Variants in RALGPS1 observed in about 807,000 individuals in gnomAD.
RALGPS1 encodes Ral GEF with PH domain and SH3 binding motif 1.
Under a neutral mutation model 78.8 loss-of-function variants are expected in RALGPS1, and 19 were observed. That is an observed-to-expected ratio of 0.24 (90% CI 0.17 to 0.35). RALGPS1 has a LOEUF of 0.35. Among genes scored for constraint, RALGPS1 ranks in the 10% least tolerant of loss-of-function variants. The pLI, the probability that RALGPS1 is intolerant of heterozygous loss-of-function variation, is 1.00. For missense variants in RALGPS1, 454 were observed against 688.3 expected (o/e 0.66, Z 3.81); for synonymous variants, 228 against 256.3 (o/e 0.89, Z 1.06).
At chr9:127,010,763 G>A (rs192023053) in intron 4 of RALGPS1, among the ~76,000 whole-genome samples, 22 of 152,348 alleles carry the variant, frequency 1.4e-4, no homozygotes, top group Non-Finnish European at 2.4e-4. Flanking sequence ...AATCATCCAC[G>A]TTAGTGCAGC....
chr9:126,946,533 C>CAAAAA (rs61279292), intron 1 of RALGPS1, among the ~76,000 whole-genome samples: 1 of 76,218 alleles, frequency 1.3e-5, no homozygotes, highest in Non-Finnish European at 2.4e-5. Context: ...GAATCTGTCT[C>CAAAAA]AAAAAAAAAA....
intron 8 of RALGPS1, among the ~76,000 whole-genome samples, chr9:127,080,880 TATA>T (rs2051105849): frequency 6.6e-6 from 1 of 152,248 alleles, no homozygotes; most frequent in Admixed American, 6.5e-5. Context: ...AACAGGTAAG[TATA>T]ATGCAGATAT....
intron 8 of RALGPS1, among the ~76,000 whole-genome samples, chr9:127,141,601 A>G (rs1471944004): frequency 7.0e-6 from 1 of 143,832 alleles, no homozygotes; most frequent in Non-Finnish European, 1.5e-5. Flanking sequence ...AGGGTTGCCA[A>G]TATTTTTTTA....
In RALGPS1 at chr9:127,091,151, A is replaced by G. The variant is rs940817442; in HGVS notation, c.610+21795A>G. ...ATCCTAGACAAAGCACTTTAGGTAC[A>G]TTCTCTCTACCCTTCTCCCTACTCT... On this transcript the variant is annotated intron_variant, in intron 8 of 18. Transcript: ENST00000259351. The surrounding 1 kb of genome is among the most constrained non-coding windows in gnomAD (Gnocchi z 4.3). Among the ~76,000 whole-genome samples the G allele has an allele frequency of 3.9e-5, 6 of 152,326 alleles. No individual in the cohort carries two copies. The highest frequency in any genetic ancestry group is 2.1e-4 in the South Asian group (1 of 4,824).
intron 8 of RALGPS1, among the ~76,000 whole-genome samples, chr9:127,078,247 C>T (rs952268072): frequency 1.3e-5 from 2 of 152,318 alleles, no homozygotes; most frequent in Middle Eastern, 3.4e-3. Context: ...TCAAATCTCT[C>T]CCTTCCAGAA....
At chr9:127,134,071 T>C (rs192902043) in intron 8 of RALGPS1, among the ~76,000 whole-genome samples, 1 of 152,096 alleles carries the variant, frequency 6.6e-6, no homozygotes, top group East Asian at 1.9e-4. Context: ...AAAGAAAATA[T>C]TCACGGCCGC....
chr9:126,985,855 C>T (rs2041746865), intron 4 of RALGPS1, among the ~76,000 whole-genome samples: 1 of 152,150 alleles, frequency 6.6e-6, no homozygotes, highest in South Asian at 2.1e-4. Flanking sequence ...GAACACAGTA[C>T]ATAATAAATA....
intron 8 of RALGPS1, among the ~76,000 whole-genome samples, chr9:127,078,537 GAAATA>G (rs1564535670): frequency 6.6e-6 from 1 of 152,146 alleles, no homozygotes; most frequent in Non-Finnish European, 1.5e-5. Flanking sequence ...CGTCTCCATG[GAAATA>G]AACAGTAGAA....
chr9:127,034,046 A>G (rs1306507491), intron 4 of RALGPS1, among the ~76,000 whole-genome samples: 1 of 152,212 alleles, frequency 6.6e-6, no homozygotes, highest in African/African-American at 2.4e-5. Flanking sequence ...AGATTTTTTA[A>G]TGGAGCCCTG....
At position 127,212,296 on chromosome 9, in the gene RALGPS1, C is replaced by G. The variant is rs2062309928; in HGVS notation, c.1353+60C>G. 3.8e-6 allele frequency: 5 copies of G among 1,331,852 alleles called. No homozygotes were observed. Among genetic ancestry groups the G allele is most frequent in the Admixed American group, 2.1e-5 (1 of 48,642 alleles). 82.5% of individuals were successfully genotyped at this position (1,331,852 alleles called of 1,614,324 possible). On this transcript the variant is annotated intron_variant, in intron 15 of 18. Transcript: ENST00000259351. The surrounding 1 kb of genome is among the most constrained non-coding windows in gnomAD (Gnocchi z 6.0). The stretch of plus-strand genomic sequence containing the variant: ...GGCTTCCACATCTGTAAATAGTGCC[C>G]ACTCCTAGAGGTCTCAGCAAAAGTC...
chr9:127,204,966 G>T (rs1441401659), intron 14 of RALGPS1, among the ~76,000 whole-genome samples: 1 of 152,206 alleles, frequency 6.6e-6, no homozygotes, highest in Non-Finnish European at 1.5e-5. Flanking sequence ...CTCTGGAGGC[G>T]ATCCCGCAGG....
At position 127,133,495 on chromosome 9, in the gene RALGPS1, C is replaced by G. The variant is rs201278920; in HGVS notation, c.611-32574C>G. Among the ~76,000 whole-genome samples the G allele has an allele frequency of 1.1e-3, 172 of 152,334 alleles. 1 individual carries two copies. Among genetic ancestry groups the G allele is most frequent in the East Asian group, 5.8e-3 (30 of 5,164 alleles). On this transcript the variant is annotated intron_variant, in intron 8 of 18. Coordinates refer to ENST00000259351, the MANE Select transcript of RALGPS1 (RefSeq NM_014636.3). ...CCGCCTTTGCCTGCAAATATCACCC[C>G]CTTTCTGCTACCTGCCAGCCAGGGC...
At chr9:127,132,529 C>T (rs1262762228) in intron 8 of RALGPS1, among the ~76,000 whole-genome samples, 2 of 152,226 alleles carry the variant, frequency 1.3e-5, no homozygotes, top group African/African-American at 4.8e-5. Context: ...GAGCAGCCAC[C>T]TCATTGCCTT....
intron 5 of RALGPS1, among the ~76,000 whole-genome samples, chr9:127,043,479 A>AG (rs1325219397): frequency 1.2e-4 from 18 of 152,182 alleles, no homozygotes; most frequent in African/African-American, 4.3e-4. Context: ...ATAGGCCTAA[A>AG]GGTAAAAGAC....
chr9:127,218,616 TC>T lies in RALGPS1; in HGVS notation c.1645-121del, dbSNP rs1196426444. 4.4e-5 allele frequency: 44 copies of T among 1,009,848 alleles called. No individual in the cohort carries two copies. The allele number at this position is 1,009,848 out of a possible 1,614,324, so 62.6% of individuals were successfully genotyped here. ...TGGCTATTGTTATTGCCATACCCTC[TC>T]CCTACCCAACCTGCTCATTCCCAGA... On this transcript the variant is annotated intron_variant, in intron 18 of 18. Transcript: ENST00000259351. This position sits in a 1 kb window ranked among gnomAD's most constrained non-coding sequence, Gnocchi z 4.4.
chr9:127,027,915 A>G (rs1021119603), intron 4 of RALGPS1, among the ~76,000 whole-genome samples: 5 of 152,088 alleles, frequency 3.3e-5, no homozygotes, highest in Middle Eastern at 3.2e-3. Flanking sequence ...TGCCTATCTC[A>G]TCGTCTTGTT....
intron 8 of RALGPS1, among the ~76,000 whole-genome samples, chr9:127,119,325 G>C (rs1237877027): frequency 6.6e-6 from 1 of 152,200 alleles, no homozygotes; most frequent in African/African-American, 2.4e-5. Flanking sequence ...TTTCAGAGGG[G>C]TTGGTGCAGC....
intron 8 of RALGPS1, among the ~76,000 whole-genome samples, chr9:127,081,566 G>A (rs761170968): frequency 2.0e-4 from 31 of 152,240 alleles, no homozygotes; most frequent in African/African-American, 3.1e-4. Context: ...TGACGAGGGC[G>A]TAGGCCTCTG....
chr9:126,967,170 C>T (rs2039592198), intron 3 of RALGPS1, among the ~76,000 whole-genome samples: 1 of 152,212 alleles, frequency 6.6e-6, no homozygotes, highest in Non-Finnish European at 1.5e-5. Flanking sequence ...CATGCATCAT[C>T]TCCTTCAGTG....
Sources: allele counts gnomAD v4.1 joint callset (sites outside exome capture counted in the v4.1 genomes callset), GRCh38; gene constraint gnomAD v4.1.1; non-coding constraint Gnocchi (gnomAD v3.1); transcripts MANE v1.5; gene names NCBI Gene and HGNC (gene_info 2026-07-23, HGNC 2026-07-21).